Variants in ANKRD28 observed in about 807,000 individuals in gnomAD.
The protein encoded by ANKRD28 is ankyrin repeat domain 28, also known as serine/threonine-protein phosphatase 6 regulatory ankyrin repeat subunit A.
In ANKRD28, 44 loss-of-function variants were observed where a neutral mutation model predicts 126.5. The ratio of observed to expected loss-of-function variants is 0.35; its 90% CI spans 0.27 to 0.45. The LOEUF is 0.45. Ranked by LOEUF, ANKRD28 falls within the 20% of genes least tolerant of loss-of-function variation. ANKRD28 has a pLI of 1.00. For synonymous variants in ANKRD28, 442 were observed against 468.5 expected, an observed-to-expected ratio of 0.94 and a Z score of 0.73; for missense variants, 1,110 against 1,316.6, an observed-to-expected ratio of 0.84 and a Z score of 2.43.
chr3:15,731,876 G>GAAAAAA (rs1559425875), intron 6 of ANKRD28: 5 of 64,902 alleles, frequency 7.7e-5, no homozygotes, highest in East Asian at 8.2e-4. Context: ...AAAAAAAAAG[G>GAAAAAA]GGGGGGGGGT....
chr3:15,794,274 A>C (rs2060172920), intron 2 of ANKRD28, among the ~76,000 whole-genome samples: 1 of 152,068 alleles, frequency 6.6e-6, no homozygotes, highest in South Asian at 2.1e-4. Flanking sequence ...TTTAAAAATA[A>C]GGTAAAACTT....
chr3:15,748,879 G>A (rs1338259077), intron 4 of ANKRD28, among the ~76,000 whole-genome samples: 6 of 151,834 alleles, frequency 4.0e-5, no homozygotes, highest in East Asian at 1.9e-4. Flanking sequence ...TGGAGACTTC[G>A]TTCATTTAAA....
intron 4 of ANKRD28, among the ~76,000 whole-genome samples, chr3:15,744,330 TTAGA>T (rs1325208135): frequency 6.6e-6 from 1 of 152,240 alleles, no homozygotes; most frequent in East Asian, 1.9e-4. Context: ...TCTTTTTTTT[TTAGA>T]TAGAGTTTCA....
intron 22 of ANKRD28, 30 bp downstream of exon 22, chr3:15,679,446 C>G (rs1008390520): frequency 6.2e-7 from 1 of 1,613,592 alleles, no homozygotes; most frequent in Non-Finnish European, 8.5e-7. Context: ...AACACTCAAA[C>G]CAAATCTGAT....
chr3:15,841,554 G>C (rs192107316), intron 1 of ANKRD28, among the ~76,000 whole-genome samples: 10 of 152,040 alleles, frequency 6.6e-5, no homozygotes, highest in African/African-American at 2.4e-4. Flanking sequence ...CATAACCAGA[G>C]AATATAAGGA....
At chr3:15,730,516 T>C (rs1482728822) in intron 6 of ANKRD28, among the ~76,000 whole-genome samples, 2 of 152,188 alleles carry the variant, frequency 1.3e-5, no homozygotes, top group African/African-American at 4.8e-5. Flanking sequence ...ATCCCCAATG[T>C]CTCTTACACT....
chr3:15,674,196 A>AAAGAAAAAG (rs2066691839), intron 27 of ANKRD28, among the ~76,000 whole-genome samples: 1 of 130,082 alleles, frequency 7.7e-6, no homozygotes, highest in African/African-American at 3.3e-5. Context: ...AAAAAAAAAA[A>AAAGAAAAAG]AAGAAGAAGA....
intron 1 of ANKRD28, among the ~76,000 whole-genome samples, chr3:15,803,455 A>T (rs1355740871): frequency 6.6e-6 from 1 of 152,072 alleles, no homozygotes; most frequent in Non-Finnish European, 1.5e-5. Flanking sequence ...CGTCTCTATT[A>T]AAAATACAAA....
rs531897767 is a variant in ANKRD28 at position 15,668,770 on chromosome 3, T to A, written c.*1500A>T. The A allele has an allele frequency of 1.3e-5, 2 of 152,760 alleles. No individual in the cohort carries two copies. Among genetic ancestry groups the A allele is most frequent in the African/African-American group, 4.8e-5 (2 of 41,580 alleles). The allele number at this position is 152,760 out of a possible 1,614,324, so 9.5% of individuals were successfully genotyped here. On this transcript the variant is annotated 3_prime_UTR_variant, in exon 28 of 28. Coordinates refer to ENST00000683139, the MANE Select transcript of ANKRD28 (RefSeq NM_001349278.2). ...AATTATCAAATAGATCAAAATACTG[T>A]TCTGTGTTTTCACACTTTATATTCA...
intron 4 of ANKRD28, among the ~76,000 whole-genome samples, chr3:15,749,487 T>C (rs1370495421): frequency 6.6e-6 from 1 of 152,238 alleles, no homozygotes; most frequent in Non-Finnish European, 1.5e-5. Context: ...TCTTCTGACT[T>C]CTTTTCCTGG....
In ANKRD28 at chr3:15,795,216, G is replaced by A. The variant is rs1158882048; in HGVS notation, c.201+7C>T. The A allele has an allele frequency of 2.5e-6, 4 of 1,590,698 alleles. No homozygotes were observed. Among genetic ancestry groups the A allele is most frequent in the South Asian group, 2.2e-5 (2 of 90,506 alleles). On this transcript the variant is annotated splice_region_variant and intron_variant, in intron 2 of 27. Transcript: ENST00000683139. ...AAAGGCTGGCATCAGTGAATTAACTGTTTTACCTGAAAGTTAACATCTTCT... is the reference window on the plus strand; with the variant it reads ...AAAGGCTGGCATCAGTGAATTAACTATTTTACCTGAAAGTTAACATCTTCT...
intron 1 of ANKRD28, among the ~76,000 whole-genome samples, chr3:15,810,659 T>C (rs2060692711): frequency 6.6e-6 from 1 of 151,570 alleles, no homozygotes; most frequent in African/African-American, 2.4e-5. Context: ...CAACACTACA[T>C]GAGTTAGGTC....
upstream of ANKRD28, among the ~76,000 whole-genome samples, chr3:15,799,394 T>C (rs527590761): frequency 6.6e-6 from 1 of 151,796 alleles, no homozygotes; most frequent in South Asian, 2.1e-4. Context: ...TTGAAAGCTA[T>C]AAAATGTATC....
chr3:15,824,861 G>C (rs2061024761), intron 1 of ANKRD28, among the ~76,000 whole-genome samples: 1 of 152,216 alleles, frequency 6.6e-6, no homozygotes, highest in African/African-American at 2.4e-5. Context: ...AGTTGACCAG[G>C]ATGCAGGAGG....
At chr3:15,798,141 A>G, upstream of ANKRD28, 1 of 985,400 alleles carries the variant, frequency 1.0e-6, no homozygotes, top group African/African-American at 1.7e-5. Flanking sequence ...TTTTCCACTA[A>G]AAGCCACAAG....
At chr3:15,810,499 ATATC>A (rs2060688951) in intron 1 of ANKRD28, among the ~76,000 whole-genome samples, 1 of 152,054 alleles carries the variant, frequency 6.6e-6, no homozygotes, top group Non-Finnish European at 1.5e-5. Context: ...CAGTGAAACT[ATATC>A]TAATATTTAA....
chr3:15,803,594 C>T (rs934237897), intron 1 of ANKRD28, among the ~76,000 whole-genome samples: 5 of 143,032 alleles, frequency 3.5e-5, no homozygotes, highest in Non-Finnish European at 6.0e-5. Flanking sequence ...TCCAGCCTGG[C>T]GACAGAGCGA....
intron 2 of ANKRD28, among the ~76,000 whole-genome samples, chr3:15,771,680 C>T (rs1006370776): frequency 2.6e-5 from 4 of 152,168 alleles, no homozygotes; most frequent in African/African-American, 9.7e-5. Context: ...CATTAGGCTC[C>T]ACCTCCAAGA....
intron 14 of ANKRD28, among the ~76,000 whole-genome samples, chr3:15,697,576 C>A (rs1408978656): frequency 6.6e-6 from 1 of 152,024 alleles, no homozygotes; most frequent in Non-Finnish European, 1.5e-5. Flanking sequence ...TACGTTGAAC[C>A]AGCCTTGCAT....
Sources: gnomAD v4.1 joint callset for allele counts (sites outside exome capture counted in the v4.1 genomes callset) on GRCh38, gnomAD v4.1.1 for gene constraint, MANE v1.5 for transcripts, NCBI Gene and HGNC (gene_info 2026-07-23, HGNC 2026-07-21) for gene names.